RBMS3: variants seen among roughly 807,000 people sequenced by gnomAD.
The protein encoded by RBMS3 is RNA binding motif single stranded interacting protein 3, also known as RNA-binding motif, single-stranded-interacting protein 3.
In RBMS3, 27 loss-of-function variants were observed where a neutral mutation model predicts 66.8. The observed-to-expected ratio is 0.40, with a 90% CI of 0.30 to 0.56. The LOEUF is 0.56. Ranked by LOEUF, RBMS3 falls within the 20% of genes least tolerant of loss-of-function variation. The probability of loss-of-function intolerance (pLI) is 0.40; values close to 1 mark genes in which losing one functional copy is unlikely to be tolerated. For synonymous variants in RBMS3, 188 were observed against 183.0 expected, an observed-to-expected ratio of 1.03 and a Z score of -0.22; for missense variants, 513 against 549.5, an observed-to-expected ratio of 0.93 and a Z score of 0.66.
At chr3:29,872,732 C>G (rs2059522143) in intron 7 of RBMS3, among the ~76,000 whole-genome samples, 1 of 152,150 alleles carries the variant, frequency 6.6e-6, no homozygotes, top group Non-Finnish European at 1.5e-5. Flanking sequence ...CATGATCCAG[C>G]AAGAATGGGG....
intron 3 of RBMS3, among the ~76,000 whole-genome samples, chr3:29,520,426 T>C (rs2044811319): frequency 6.6e-6 from 1 of 152,190 alleles, no homozygotes; most frequent in Admixed American, 6.6e-5. Context: ...TATTGGACAG[T>C]ACTGATTTTT....
At chr3:29,585,033 A>G (rs933074346) in intron 3 of RBMS3, among the ~76,000 whole-genome samples, 3 of 152,164 alleles carry the variant, frequency 2.0e-5, no homozygotes, top group African/African-American at 7.2e-5. Context: ...ATTCATTTGT[A>G]TGGTTATTTG....
At chr3:29,928,665 A>C (rs772867452) in intron 10 of RBMS3, among the ~76,000 whole-genome samples, 1 of 152,196 alleles carries the variant, frequency 6.6e-6, no homozygotes, top group African/African-American at 2.4e-5. Flanking sequence ...AGCAGTTTAC[A>C]TGTGTCCTCT....
intron 4 of RBMS3, among the ~76,000 whole-genome samples, chr3:29,726,345 G>C (rs538314577): frequency 7.9e-5 from 12 of 152,260 alleles, no homozygotes; most frequent in Admixed American, 7.9e-4. Context: ...CATAGTATTG[G>C]AAGTTCTGGC....
chr3:29,848,031 C>T (rs760561841), intron 6 of RBMS3, among the ~76,000 whole-genome samples: 3 of 152,154 alleles, frequency 2.0e-5, no homozygotes, highest in Non-Finnish European at 4.4e-5. Context: ...CACTCATTCT[C>T]AATACAAAAT....
chr3:29,997,932 G>A (rs1300677306), intron 14 of RBMS3, among the ~76,000 whole-genome samples: 1 of 152,184 alleles, frequency 6.6e-6, no homozygotes, highest in Admixed American at 6.5e-5. Flanking sequence ...AATCAGCCAG[G>A]AGAAAGAAAT....
chr3:29,589,745 T>A (rs913408493), intron 4 of RBMS3, among the ~76,000 whole-genome samples: 1 of 152,094 alleles, frequency 6.6e-6, no homozygotes, highest in Non-Finnish European at 1.5e-5. Flanking sequence ...TTGCACTATA[T>A]TTTTGGCCAT....
At chr3:29,979,984 G>C (rs570856635) in intron 12 of RBMS3, among the ~76,000 whole-genome samples, 6 of 152,074 alleles carry the variant, frequency 3.9e-5, no homozygotes, top group Admixed American at 3.9e-4. Flanking sequence ...TTGTATTTCT[G>C]GTTCTAGATC....
chr3:29,946,697 C>A (rs1695337241), intron 12 of RBMS3, among the ~76,000 whole-genome samples: 1 of 151,574 alleles, frequency 6.6e-6, no homozygotes, highest in Admixed American at 6.6e-5. Flanking sequence ...TAAGTGACAT[C>A]ATCTTCTGAG....
chr3:29,961,494 TTACTA>T (rs1274386363), intron 12 of RBMS3, among the ~76,000 whole-genome samples: 1 of 152,126 alleles, frequency 6.6e-6, no homozygotes, highest in African/African-American at 2.4e-5. Flanking sequence ...CAGTACCAAT[TTACTA>T]TACTAGTCTG....
At chr3:29,846,800 A>G (rs1045963074) in intron 6 of RBMS3, among the ~76,000 whole-genome samples, 1 of 152,214 alleles carries the variant, frequency 6.6e-6, no homozygotes, top group African/African-American at 2.4e-5. Context: ...AATTCATCCA[A>G]CGCCCAAATG....
At chr3:29,968,946 C>T (rs1483483678) in intron 12 of RBMS3, among the ~76,000 whole-genome samples, 5 of 152,150 alleles carry the variant, frequency 3.3e-5, no homozygotes, top group Non-Finnish European at 7.3e-5. Context: ...GTAAGACAGA[C>T]GCAGAGTGAT....
chr3:29,451,840 T>C (rs1301632737), intron 2 of RBMS3, among the ~76,000 whole-genome samples: 1 of 152,224 alleles, frequency 6.6e-6, no homozygotes, highest in Non-Finnish European at 1.5e-5. Flanking sequence ...TTTCCAAGCA[T>C]ACCACGTTCA....
chr3:29,508,335 A>G (rs969989557), intron 3 of RBMS3, among the ~76,000 whole-genome samples: 17 of 152,190 alleles, frequency 1.1e-4, no homozygotes, highest in African/African-American at 4.1e-4. Context: ...ATTTCTCCTA[A>G]TGCTATACCT....
At chr3:29,741,592 A>G (rs28540168) in intron 5 of RBMS3, among the ~76,000 whole-genome samples, 3,972 of 152,276 alleles carry the variant, frequency 0.026, 157 homozygotes, top group African/African-American at 0.09. Flanking sequence ...TGCATTTCAA[A>G]TTCATTAAGA....
At chr3:29,739,974 C>CAAAAAAAA (rs397989061) in intron 5 of RBMS3, 97 bp downstream of exon 5, 1 of 535,072 alleles carries the variant, frequency 1.9e-6, no homozygotes, top group Non-Finnish European at 2.6e-6. Flanking sequence ...ATAGAATATG[C>CAAAAAAAA]AAAAAAAAAA....
intron 12 of RBMS3, among the ~76,000 whole-genome samples, chr3:29,963,657 A>C (rs1002430689): frequency 4.6e-5 from 7 of 151,930 alleles, no homozygotes; most frequent in African/African-American, 1.7e-4. Flanking sequence ...GTGAACCCCC[A>C]TCTCCACTAA....
At chr3:29,363,736 G>A (rs2037739548) in intron 1 of RBMS3, among the ~76,000 whole-genome samples, 1 of 151,118 alleles carries the variant, frequency 6.6e-6, no homozygotes, top group Non-Finnish European at 1.5e-5. Context: ...GTTGTGGTGA[G>A]CTGAAATTGC....
At chr3:29,919,942 G>T (rs1008603071) in intron 10 of RBMS3, among the ~76,000 whole-genome samples, 1 of 152,074 alleles carries the variant, frequency 6.6e-6, no homozygotes, top group African/African-American at 2.4e-5. Context: ...GAAATAATTT[G>T]GTAGATATAA....
Sources: gnomAD v4.1 joint callset for allele counts (sites outside exome capture counted in the v4.1 genomes callset) on GRCh38, gnomAD v4.1.1 for gene constraint, MANE v1.5 for transcripts, NCBI Gene and HGNC (gene_info 2026-07-23, HGNC 2026-07-21) for gene names.